SPON2: variants seen among roughly 807,000 people sequenced by gnomAD.
SPON2 encodes the protein spondin-2.
In SPON2, 32 loss-of-function variants were observed where a neutral mutation model predicts 29.9. The ratio of observed to expected loss-of-function variants is 1.07; its 90% CI spans 0.81 to 1.44. The LOEUF (loss-of-function observed/expected upper bound fraction) is 1.44, where lower values mean the gene tolerates loss of function less well. Ranked by LOEUF, SPON2 falls within the 40% of genes most tolerant of loss-of-function variation. SPON2 has a pLI of 0.00. For missense variants in SPON2, 541 were observed against 455.5 expected (o/e 1.19, Z -1.71); for synonymous variants, 248 against 209.1 (o/e 1.19, Z -1.61).
At chr4:1,176,150 G>A (rs878325), upstream of SPON2, among the ~76,000 whole-genome samples, 3,739 of 152,124 alleles carry the variant, frequency 0.025, 52 homozygotes, top group Middle Eastern at 0.044. Flanking sequence ...GGCCAGTGAC[G>A]GAGTGATCTT....
upstream of SPON2, among the ~76,000 whole-genome samples, chr4:1,178,147 CG>C (rs1727640546): frequency 4.8e-4 from 72 of 148,966 alleles, 3 homozygotes; most frequent in South Asian, 0.015. Context: ...CTGCACACAC[CG>C]AGGGCCTCCC....
intron 1 of SPON2, among the ~76,000 whole-genome samples, chr4:1,205,737 G>C (rs1016079738): frequency 1.3e-5 from 2 of 152,084 alleles, no homozygotes; most frequent in Non-Finnish European, 2.9e-5. Flanking sequence ...GCCCGCCCAG[G>C]CTCCCTCACT....
In SPON2 at chr4:1,172,091, G is replaced by A. The variant is rs368435965; in HGVS notation, c.-3-17C>T. 155 of 1,603,492 alleles carry A rather than the reference G, an allele frequency of 9.7e-5. 1 individual carries two copies. Among genetic ancestry groups the A allele is most frequent in the Non-Finnish European group, 1.7e-5 (20 of 1,174,940 alleles). The stretch of plus-strand genomic sequence containing the variant: ...TTCCATCACCTGGGAGCACAGAGGG[G>A]AGCAGCCGCGCGCTGGCACCGTCGT... On this transcript the variant is annotated splice_polypyrimidine_tract_variant and intron_variant, in intron 1 of 5. Transcript: ENST00000290902.
At chr4:1,194,889 A>AACCCCGCAGCCGGCGGCTCCAACCTCG (rs1728010635) in intron 1 of SPON2, 2 of 111,666 alleles carry the variant, frequency 1.8e-5, no homozygotes, top group African/African-American at 3.6e-5. Context: ...CTCCAACGCC[A>AACCCCGCAGCCGGCGGCTCCAACCTCG]CAGCCGGCGA....
chr4:1,194,880 TCCAACGCCACAGCCGGCGA>T (rs1728010013), intron 1 of SPON2: 2 of 129,782 alleles, frequency 1.5e-5, no homozygotes, highest in African/African-American at 2.9e-5. Flanking sequence ...AGCCGGCGGC[TCCAACGCCACAGCCGGCGA>T]CTCCAACCCC....
At chr4:1,175,853 C>A (rs1450261470), upstream of SPON2, among the ~76,000 whole-genome samples, 1 of 152,094 alleles carries the variant, frequency 6.6e-6, no homozygotes, top group Non-Finnish European at 1.5e-5. Flanking sequence ...GTGCTCCAGG[C>A]AGGGCCACAG....
At chr4:1,194,584 G>C (rs987228431) in intron 1 of SPON2, among the ~76,000 whole-genome samples, 10 of 152,168 alleles carry the variant, frequency 6.6e-5, no homozygotes, top group African/African-American at 2.4e-4. Context: ...CCTCTTCTCT[G>C]GGCCAGCTGC....
upstream of SPON2, chr4:1,197,256 T>A (rs1728090154): frequency 6.6e-6 from 1 of 152,234 alleles, no homozygotes; most frequent in Non-Finnish European, 1.5e-5. Flanking sequence ...CGACTTCCGA[T>A]AAGTCCATGT....
In SPON2 at chr4:1,171,376, C is replaced by G. The variant is rs779361137; in HGVS notation, c.331G>C (p.Glu111Gln). The change falls in exon 3 of 6, where the codon GAG becomes CAG. Residue 111 changes from glutamate to glutamine, a missense_variant. Physicochemically the swap from Glu to Gln is conservative, Grantham distance 29. Coordinates refer to ENST00000290902, the MANE Select transcript of SPON2 (RefSeq NM_012445.4). Reference protein sequence around the residue: ...GEAWALMKEIEAAGEALQSVH... With the variant: ...GEAWALMKEIQAAGEALQSVH... ...CTCTGCAGCGCCTCCCCCGCCGCCTCGATCTCCTTCATCAGCGCCCAGGCC... is the reference window on the plus strand; with the variant it reads ...CTCTGCAGCGCCTCCCCCGCCGCCTGGATCTCCTTCATCAGCGCCCAGGCC... 6 of 1,612,100 alleles carry G rather than the reference C, an allele frequency of 3.7e-6. No homozygotes were observed. Among genetic ancestry groups the G allele is most frequent in the Admixed American group, 1.7e-5 (1 of 60,012 alleles).
upstream of SPON2, among the ~76,000 whole-genome samples, chr4:1,176,706 C>T (rs1216052091): frequency 6.6e-6 from 1 of 152,152 alleles, no homozygotes; most frequent in Non-Finnish European, 1.5e-5. Flanking sequence ...TACATTCATG[C>T]AATCATCCAC....
At chr4:1,176,439 T>G (rs1415087387), upstream of SPON2, among the ~76,000 whole-genome samples, 1 of 150,512 alleles carries the variant, frequency 6.6e-6, no homozygotes, top group Non-Finnish European at 1.5e-5. Context: ...AATAGTACAT[T>G]CATTCATTCA....
rs145897903 is a variant in SPON2, at chr4:1,170,451, G to A, written c.762C>T (p.Pro254=). ...TGTCCCTGCTGGGCAGGACTGGGGCGGGAGGGATGAAGGCCCTGGGGCTCT... is the reference window on the plus strand; with the variant it reads ...TGTCCCTGCTGGGCAGGACTGGGGCAGGAGGGATGAAGGCCCTGGGGCTCT... ...LRQSPRAFIP[P]APVLPSRDNE... Residue 254 remains proline, a synonymous_variant, in exon 5 of 6, where the codon CCC becomes CCT. Coordinates refer to ENST00000290902, the MANE Select transcript of SPON2 (RefSeq NM_012445.4). 3.2e-4 allele frequency: 517 copies of A among 1,614,054 alleles called. 12 individuals are homozygous for A. The Middle Eastern group carries it at 5.4e-3, about 17-fold the overall frequency.
chr4:1,191,904 C>T (rs1476103728), intron 1 of SPON2, among the ~76,000 whole-genome samples: 5 of 152,182 alleles, frequency 3.3e-5, no homozygotes, highest in African/African-American at 1.2e-4. Context: ...CAGCCAGCCC[C>T]TCCCCATAGG....
upstream of SPON2, among the ~76,000 whole-genome samples, chr4:1,197,429 A>C (rs1160713646): frequency 2.0e-5 from 3 of 152,232 alleles, no homozygotes; most frequent in Non-Finnish European, 4.4e-5. Context: ...TGGGTAAAAC[A>C]GGATATTAAA....
In SPON2 at chr4:1,195,047, TCCAACCCCGCAGCCGGCGTC is replaced by T. The variant is rs1576996593; in HGVS notation, c.-316_-297del. ...CGGCTCCAACCCCGCAGCCGGCGGCTCCAACCCCGCAGCCGGCGTCTCCAACCCCGCAGCCGGCGGCTCCA... is the reference window on the plus strand; with the variant it reads ...CGGCTCCAACCCCGCAGCCGGCGGCTTCCAACCCCGCAGCCGGCGGCTCCA... On this transcript the variant is annotated 5_prime_UTR_variant, in exon 1 of 4. Transcript: ENST00000502483. The T allele has an allele frequency of 2.5e-3, 260 of 103,556 alleles. 2 individuals are homozygous for T. Among genetic ancestry groups the T allele is most frequent in the Middle Eastern group, 5.9e-3 (1 of 170 alleles). The allele number at this position is 103,556 out of a possible 1,614,324, so 6.4% of individuals were successfully genotyped here. A position where few individuals can be genotyped will look rare whatever the true frequency, so the allele number is the denominator to read the frequency against.
intron 1 of SPON2, among the ~76,000 whole-genome samples, chr4:1,185,746 A>G: frequency 6.8e-6 from 1 of 147,286 alleles, no homozygotes; most frequent in African/African-American, 2.5e-5. Flanking sequence ...TTTGCCTGAC[A>G]CTGTATGCAA....
At chr4:1,186,821 T>A (rs1727816229) in intron 1 of SPON2, among the ~76,000 whole-genome samples, 1 of 152,072 alleles carries the variant, frequency 6.6e-6, no homozygotes, top group African/African-American at 2.4e-5. Flanking sequence ...AAAACTATAA[T>A]AGGACATCAC....
chr4:1,193,924 A>G (rs1383700902), intron 1 of SPON2, among the ~76,000 whole-genome samples: 5 of 116,706 alleles, frequency 4.3e-5, no homozygotes, highest in African/African-American at 1.6e-4. Context: ...CGTGGAAAGG[A>G]CGTGGGGGAG....
chr4:1,186,049 C>G (rs1014053361), intron 1 of SPON2, among the ~76,000 whole-genome samples: 16 of 149,708 alleles, frequency 1.1e-4, no homozygotes, highest in East Asian at 6.1e-4. Context: ...TCGAGACCAT[C>G]CTGGCTAACA....
Sources: allele counts gnomAD v4.1 joint callset (sites outside exome capture counted in the v4.1 genomes callset), GRCh38; gene constraint gnomAD v4.1.1; transcripts MANE v1.5; gene names NCBI Gene and HGNC (gene_info 2026-07-23, HGNC 2026-07-21).